Variants in TRIO observed in about 807,000 individuals in gnomAD.
The protein encoded by TRIO is triple functional domain protein.
In TRIO, 58 loss-of-function variants were observed where a neutral mutation model predicts 351.9. The observed-to-expected ratio is 0.16, with a 90% CI of 0.13 to 0.21. The LOEUF (loss-of-function observed/expected upper bound fraction) is 0.21. Ranked by LOEUF, TRIO falls within the 10% of genes least tolerant of loss-of-function variation. The pLI, the probability that TRIO is intolerant of heterozygous loss-of-function variation, is 1.00. For synonymous variants in TRIO, 1,758 were observed against 1,595.7 expected, an observed-to-expected ratio of 1.10 and a Z score of -2.42; for missense variants, 3,201 against 4,027.8, an observed-to-expected ratio of 0.79 and a Z score of 5.56.
In TRIO at chr5:14,390,857, A is replaced by T. The variant is rs375760241; in HGVS notation, c.4129-44A>T. ...CTATATGAAAGTTTATCATGCGTTGACTTGTTATGATTTAAATGAGATCTT... is the reference window on the plus strand; with the variant it reads ...CTATATGAAAGTTTATCATGCGTTGTCTTGTTATGATTTAAATGAGATCTT... On this transcript the variant is annotated intron_variant, in intron 26 of 56. Coordinates refer to ENST00000344204, the MANE Select transcript of TRIO (RefSeq NM_007118.4). 16 of 1,522,696 alleles carry T rather than the reference A, an allele frequency of 1.1e-5. No individual in the cohort carries two copies. The African/African-American group carries it at 2.1e-4, about 20-fold the overall frequency. 94.3% of individuals were successfully genotyped at this position (1,522,696 alleles called of 1,614,324 possible).
chr5:14,225,315 T>G (rs558507423), intron 1 of TRIO, among the ~76,000 whole-genome samples: 5 of 152,340 alleles, frequency 3.3e-5, no homozygotes, highest in Admixed American at 3.3e-4. Flanking sequence ...TAGGTGCTTA[T>G]GTTATTTTTG....
intron 1 of TRIO, among the ~76,000 whole-genome samples, chr5:14,227,153 C>T (rs1793095877): frequency 6.6e-6 from 1 of 152,206 alleles, no homozygotes; most frequent in Admixed American, 6.5e-5. Flanking sequence ...TTGTTCCGCA[C>T]CCGCAGTCCT....
At chr5:14,366,724 A>T in intron 15 of TRIO, 136 bp from the exon 16 acceptor site, 1 of 1,280,664 alleles carries the variant, frequency 7.8e-7, no homozygotes, top group Non-Finnish European at 1.1e-6. Context: ...CCTGGATTTT[A>T]GGATGATGAA....
At chr5:14,460,176 A>T (rs1175748500) in intron 34 of TRIO, among the ~76,000 whole-genome samples, 1 of 152,118 alleles carries the variant, frequency 6.6e-6, no homozygotes, top group East Asian at 1.9e-4. Flanking sequence ...TCGGCCTCCC[A>T]AAGTGCTGGG....
At chr5:14,389,419 G>T in intron 25 of TRIO, 21 bp downstream of exon 25, 1 of 1,555,060 alleles carries the variant, frequency 6.4e-7, no homozygotes, top group South Asian at 1.2e-5. Flanking sequence ...TTTTCTTTGG[G>T]AGCAGTTACG....
In TRIO at chr5:14,159,332, AAAAAG is replaced by A. The variant is rs1299535140; in HGVS notation, c.157+15452_157+15456del. On this transcript the variant is annotated intron_variant, in intron 1 of 56. Coordinates refer to ENST00000344204, the MANE Select transcript of TRIO (RefSeq NM_007118.4). ...CAGGAAATCGCAGTCAAAAAAAAAA[AAAAAG>A]AGAGAGAGACTTTGCTTCCCTGTAG... Among the ~76,000 whole-genome samples the A allele has an allele frequency of 7.9e-5, 12 of 152,222 alleles. No individual in the cohort carries two copies. The East Asian group carries it at 2.3e-3, about 29-fold the overall frequency.
intron 45 of TRIO, 153 bp downstream of exon 45, chr5:14,481,771 C>CTTTTTTTTTTTTTTTTTTTTTTTCT (rs34046917): frequency 2.1e-5 from 4 of 189,354 alleles, no homozygotes; most frequent in Non-Finnish European, 3.7e-5. Context: ...ATTTTATTTC[C>CTTTTTTTTTTTTTTTTTTTTTTTCT]TTTTTTTTTT....
chr5:14,165,019 A>G (rs1259839205), intron 1 of TRIO, among the ~76,000 whole-genome samples: 1 of 152,234 alleles, frequency 6.6e-6, no homozygotes, highest in African/African-American at 2.4e-5. Context: ...CTGTCTCTCA[A>G]CAAAGGAAGG....
intron 3 of TRIO, among the ~76,000 whole-genome samples, chr5:14,283,438 C>G (rs1736178161): frequency 6.6e-6 from 1 of 152,158 alleles, no homozygotes; most frequent in Non-Finnish European, 1.5e-5. Context: ...CATTGCTTTC[C>G]TGATCTGAAA....
chr5:14,427,791 C>CT (rs1750774578), intron 34 of TRIO, among the ~76,000 whole-genome samples: 1 of 152,130 alleles, frequency 6.6e-6, no homozygotes, highest in South Asian at 2.1e-4. Context: ...GCCTGGGTGC[C>CT]TTTTTGGTGC....
intron 4 of TRIO, among the ~76,000 whole-genome samples, chr5:14,290,461 G>T (rs1736809830): frequency 6.6e-6 from 1 of 152,208 alleles, no homozygotes; most frequent in Non-Finnish European, 1.5e-5. Flanking sequence ...TAGCTCTCAT[G>T]AAATACACGA....
chr5:14,478,461 G>A (rs975175737), intron 41 of TRIO, among the ~76,000 whole-genome samples: 1 of 152,146 alleles, frequency 6.6e-6, no homozygotes, highest in Non-Finnish European at 1.5e-5. Context: ...GCCACTGAAA[G>A]GACTCAGGGG....
intron 49 of TRIO, among the ~76,000 whole-genome samples, chr5:14,493,090 A>G (rs1756609743): frequency 6.6e-6 from 1 of 152,162 alleles, no homozygotes; most frequent in Non-Finnish European, 1.5e-5. Flanking sequence ...GTCATAACTC[A>G]AGAAAGTGTT....
chr5:14,211,822 T>C (rs1311771292), intron 1 of TRIO, among the ~76,000 whole-genome samples: 1 of 151,438 alleles, frequency 6.6e-6, no homozygotes, highest in Non-Finnish European at 1.5e-5. Flanking sequence ...TTAAAGTAAA[T>C]TAGTGGGGAC....
intron 1 of TRIO, among the ~76,000 whole-genome samples, chr5:14,184,603 T>G (rs1467217789): frequency 6.6e-6 from 1 of 152,272 alleles, no homozygotes; most frequent in African/African-American, 2.4e-5. Flanking sequence ...TGTTTTCATA[T>G]GAACACCACA....
chr5:14,377,878 C>G, intron 19 of TRIO, 134 bp from the exon 20 acceptor site: 1 of 649,516 alleles, frequency 1.5e-6, no homozygotes, highest in Non-Finnish European at 2.7e-6. Context: ...GACAGGAAAG[C>G]AGTGTGATTC....
chr5:14,443,388 A>G (rs1752212208), intron 34 of TRIO, among the ~76,000 whole-genome samples: 1 of 152,146 alleles, frequency 6.6e-6, no homozygotes, highest in Non-Finnish European at 1.5e-5. Context: ...TTTCAAGACA[A>G]TTTCCTGAAT....
At chr5:14,267,536 T>A (rs898211327) in intron 1 of TRIO, among the ~76,000 whole-genome samples, 7 of 152,348 alleles carry the variant, frequency 4.6e-5, no homozygotes, top group African/African-American at 1.7e-4. Context: ...CTGTGTAATC[T>A]AGAATCTGTG....
chr5:14,297,852 C>T (rs1057433368), intron 7 of TRIO, among the ~76,000 whole-genome samples: 3 of 152,214 alleles, frequency 2.0e-5, no homozygotes, highest in East Asian at 1.9e-4. Flanking sequence ...CAGCTCCACG[C>T]ACCAGCTCCT....
Sources: gnomAD v4.1 joint callset for allele counts (sites outside exome capture counted in the v4.1 genomes callset) on GRCh38, gnomAD v4.1.1 for gene constraint, MANE v1.5 for transcripts, NCBI Gene and HGNC (gene_info 2026-07-23, HGNC 2026-07-21) for gene names.